JPH3: variants seen among roughly 807,000 people sequenced by gnomAD.
JPH3 encodes junctophilin 3.
JPH3 carries 11 observed loss-of-function variants against 59.6 expected under a neutral mutation model. That is an observed-to-expected ratio of 0.18 (90% confidence interval 0.12 to 0.31). The LOEUF is 0.31. Among genes scored for constraint, JPH3 ranks in the 10% least tolerant of loss-of-function variants. JPH3 has a pLI of 1.00. For missense variants in JPH3, 1,202 were observed against 1,105.7 expected (o/e 1.09, Z -1.24); for synonymous variants, 673 against 483.6 (o/e 1.39, Z -5.14).
At chr16:87,627,659 T>G (rs1205811950) in intron 1 of JPH3, among the ~76,000 whole-genome samples, 1 of 144,178 alleles carries the variant, frequency 6.9e-6, no homozygotes, top group African/African-American at 2.8e-5. Context: ...TTGGAGGGAA[T>G]GATTTTTTAT....
At chr16:87,666,941 A>C (rs991034586) in intron 2 of JPH3, among the ~76,000 whole-genome samples, 5 of 152,272 alleles carry the variant, frequency 3.3e-5, no homozygotes, top group Middle Eastern at 3.4e-3. Flanking sequence ...TGCCCCCTCC[A>C]TGACCATATC....
At chr16:87,645,512 G>C (rs2032117375) in intron 2 of JPH3, among the ~76,000 whole-genome samples, 1 of 152,180 alleles carries the variant, frequency 6.6e-6, no homozygotes, top group Non-Finnish European at 1.5e-5. Context: ...GGGACCCTGG[G>C]AGATGGCAGC....
At chr16:87,639,278 T>C (rs986810925) in intron 1 of JPH3, among the ~76,000 whole-genome samples, 4 of 151,920 alleles carry the variant, frequency 2.6e-5, no homozygotes, top group African/African-American at 4.8e-5. Flanking sequence ...AGGTTGTAGA[T>C]TGAGAAAGTG....
At chr16:87,660,197 T>C (rs913125169) in intron 2 of JPH3, among the ~76,000 whole-genome samples, 2 of 152,144 alleles carry the variant, frequency 1.3e-5, no homozygotes, top group Non-Finnish European at 2.9e-5. Context: ...GTCTCAGTAA[T>C]ACGGAGAGAA....
intron 2 of JPH3, among the ~76,000 whole-genome samples, chr16:87,646,936 C>G (rs2032172770): frequency 2.0e-5 from 3 of 152,090 alleles, no homozygotes; most frequent in Non-Finnish European, 2.9e-5. Context: ...ACGAATTCCC[C>G]TAGACATTAA....
intron 3 of JPH3, among the ~76,000 whole-genome samples, chr16:87,687,824 G>C (rs922564124): frequency 5.9e-5 from 9 of 152,198 alleles, no homozygotes; most frequent in Middle Eastern, 3.2e-3. Context: ...GGACGACCTG[G>C]TGGGAAAGGC....
intron 2 of JPH3, among the ~76,000 whole-genome samples, chr16:87,652,762 G>A (rs1306349667): frequency 6.6e-6 from 1 of 152,250 alleles, no homozygotes; most frequent in African/African-American, 2.4e-5. Context: ...GCAGGACTGT[G>A]GTGGCAGCCG....
At chr16:87,637,833 A>G (rs941628018) in intron 1 of JPH3, among the ~76,000 whole-genome samples, 1 of 151,944 alleles carries the variant, frequency 6.6e-6, no homozygotes, top group Non-Finnish European at 1.5e-5. Flanking sequence ...GCCGAGCTCC[A>G]GTTGGGGGTG....
intron 2 of JPH3, among the ~76,000 whole-genome samples, chr16:87,659,635 A>G (rs1251312994): frequency 6.6e-6 from 1 of 152,036 alleles, no homozygotes; most frequent in Non-Finnish European, 1.5e-5. Context: ...CAGGAGGTTG[A>G]GGCAGGAGAA....
intron 2 of JPH3, among the ~76,000 whole-genome samples, chr16:87,663,037 G>C (rs1367659097): frequency 6.6e-6 from 1 of 152,180 alleles, no homozygotes. Flanking sequence ...CGCCATGTTG[G>C]GTTGGCAGGA....
rs2033885940 is a variant in JPH3, at chr16:87,696,891, C to T, written c.*231C>T. 3.9e-6 allele frequency: 2 copies of T among 515,132 alleles called. No homozygotes were observed. Among genetic ancestry groups the T allele is most frequent in the Non-Finnish European group, 7.1e-6 (2 of 283,366 alleles). The allele number at this position is 515,132 out of a possible 1,614,324, so 31.9% of individuals were successfully genotyped here. ...GCTTGTATAACACTCTGCTGTGTGG[C>T]ATGGCAGAAGGAGGCCAGCACGCAG... On this transcript the variant is annotated 3_prime_UTR_variant, in exon 5 of 5. Coordinates refer to ENST00000284262, the MANE Select transcript of JPH3 (RefSeq NM_020655.4).
At chr16:87,666,387 C>G (rs2032861278) in intron 2 of JPH3, among the ~76,000 whole-genome samples, 1 of 137,210 alleles carries the variant, frequency 7.3e-6, no homozygotes, top group South Asian at 2.6e-4. Context: ...CCGCGCCTGG[C>G]CTATTTTTTT....
At chr16:87,617,298 G>A (rs761918306) in intron 1 of JPH3, among the ~76,000 whole-genome samples, 6 of 152,170 alleles carry the variant, frequency 3.9e-5, no homozygotes, top group Non-Finnish European at 5.9e-5. Flanking sequence ...GGTGTCCCAC[G>A]GTGTGGATGG....
chr16:87,691,626 G>A (rs917930458), intron 4 of JPH3, among the ~76,000 whole-genome samples: 12 of 152,102 alleles, frequency 7.9e-5, no homozygotes, highest in Middle Eastern at 3.2e-3. Flanking sequence ...AGGGGTCACC[G>A]CGTGACACCC....
At chr16:87,675,272 C>T (rs2150869083) in intron 2 of JPH3, among the ~76,000 whole-genome samples, 1 of 150,926 alleles carries the variant, frequency 6.6e-6, no homozygotes, top group South Asian at 2.1e-4. Flanking sequence ...CTTGCCAACT[C>T]CTCCTGCCTC....
intron 2 of JPH3, among the ~76,000 whole-genome samples, chr16:87,680,649 G>A (rs958351508): frequency 4.3e-4 from 65 of 152,194 alleles, no homozygotes; most frequent in Admixed American, 2.9e-3. Flanking sequence ...CTGTGCCACC[G>A]TGGCCTGACC....
chr16:87,607,821 C>G (rs1335680485), intron 1 of JPH3, among the ~76,000 whole-genome samples: 1 of 152,244 alleles, frequency 6.6e-6, no homozygotes, highest in African/African-American at 2.4e-5. Context: ...CCAACAGAAA[C>G]TCATTTCAGA....
chr16:87,631,329 G>A (rs1336087837), intron 1 of JPH3, among the ~76,000 whole-genome samples: 1 of 152,174 alleles, frequency 6.6e-6, no homozygotes, highest in East Asian at 1.9e-4. Flanking sequence ...TATAGTTTCT[G>A]TGGCTTGATT....
intron 2 of JPH3, among the ~76,000 whole-genome samples, chr16:87,670,006 G>A (rs1297417800): frequency 6.6e-6 from 1 of 152,162 alleles, no homozygotes; most frequent in Non-Finnish European, 1.5e-5. Context: ...GCGTCCCGAG[G>A]CTGTGGGAGC....
Sources: allele counts gnomAD v4.1 joint callset (sites outside exome capture counted in the v4.1 genomes callset), GRCh38; gene constraint gnomAD v4.1.1; transcripts MANE v1.5; gene names NCBI Gene and HGNC (gene_info 2026-07-23, HGNC 2026-07-21).